Variants in RNF144B observed in about 807,000 individuals in gnomAD.
RNF144B encodes the protein E3 ubiquitin-protein ligase RNF144B.
In RNF144B, 25 loss-of-function variants were observed where a neutral mutation model predicts 40.2. The observed-to-expected ratio is 0.62, with a 90% CI of 0.45 to 0.87. The LOEUF (loss-of-function observed/expected upper bound fraction) is 0.87, where lower values mean the gene tolerates loss of function less well. Ranked by LOEUF, RNF144B falls within the 40% of genes least tolerant of loss-of-function variation. The probability of loss-of-function intolerance (pLI) is 0.00; values close to 1 mark genes in which losing one functional copy is unlikely to be tolerated. For synonymous variants in RNF144B, 145 were observed against 136.3 expected, an observed-to-expected ratio of 1.06 and a Z score of -0.44; for missense variants, 365 against 373.7, an observed-to-expected ratio of 0.98 and a Z score of 0.19.
rs1299499233 is a variant in RNF144B, at chr6:18,398,363, TTCTTCTG to T, written c.-36-1131_-36-1125del. On this transcript the variant is annotated intron_variant, in intron 1 of 7. Transcript: ENST00000259939. This position sits in a 1 kb window ranked among gnomAD's most constrained non-coding sequence, Gnocchi z 5.0. ...GTATATATAGACCACATTTTGTTTGTTCTTCTGTCTTTTTAATTTTTTATTTTTTGAG... is the reference window on the plus strand; with the variant it reads ...GTATATATAGACCACATTTTGTTTGTTCTTTTTAATTTTTTATTTTTTGAG... Among the ~76,000 whole-genome samples the T allele has an allele frequency of 1.3e-5, 2 of 152,090 alleles. No individual in the cohort carries two copies. The highest frequency in any genetic ancestry group is 4.8e-5 in the African/African-American group (2 of 41,426).
At chr6:18,392,236 G>C (rs1403502707) in intron 1 of RNF144B, among the ~76,000 whole-genome samples, 1 of 151,886 alleles carries the variant, frequency 6.6e-6, no homozygotes, top group Non-Finnish European at 1.5e-5. Context: ...CAGATGTTCT[G>C]TCCTCTGTAG....
At chr6:18,390,700 C>T (rs1377952481) in intron 1 of RNF144B, among the ~76,000 whole-genome samples, 1 of 152,348 alleles carries the variant, frequency 6.6e-6, no homozygotes, top group East Asian at 1.9e-4. Flanking sequence ...TAAAACAAGA[C>T]AACTCGTTTC....
intron 4 of RNF144B, among the ~76,000 whole-genome samples, chr6:18,451,461 G>A (rs1046363007): frequency 1.5e-4 from 23 of 152,192 alleles, no homozygotes; most frequent in African/African-American, 4.3e-4. Context: ...CTAGAAGTAA[G>A]ACCTGGATAC....
At chr6:18,431,422 C>T (rs900075451) in intron 3 of RNF144B, among the ~76,000 whole-genome samples, 2 of 152,124 alleles carry the variant, frequency 1.3e-5, no homozygotes, top group Non-Finnish European at 2.9e-5. Flanking sequence ...AAATACCACA[C>T]ACATGAATTG....
At chr6:18,420,082 C>G (rs1049261804) in intron 2 of RNF144B, among the ~76,000 whole-genome samples, 3 of 151,668 alleles carry the variant, frequency 2.0e-5, no homozygotes, top group Admixed American at 6.6e-5. Flanking sequence ...AGCTTGGCCA[C>G]AAAGTTGAGC....
Position 18,441,126 on chromosome 6 carries a change from G to T in RNF144B, c.331+1382G>T, listed in dbSNP as rs906342390. 6.6e-6 allele frequency among the ~76,000 whole-genome samples: 1 copy of T among 152,028 alleles called. No individual in the cohort carries two copies. Among genetic ancestry groups the T allele is most frequent in the Non-Finnish European group, 1.5e-5 (1 of 68,006 alleles). ...TCTCTCTAATCCATCCACATGGGCC[G>T]ATTAGATTGAGCATTATAACACCAG... On this transcript the variant is annotated intron_variant, in intron 4 of 7. Transcript: ENST00000259939. This position sits in a 1 kb window ranked among gnomAD's most constrained non-coding sequence, Gnocchi z 4.9.
Position 18,448,114 on chromosome 6 carries a change from G to C in RNF144B, c.331+8370G>C, listed in dbSNP as rs1239844177. 6.6e-6 allele frequency among the ~76,000 whole-genome samples: 1 copy of C among 152,098 alleles called. No homozygotes were observed. Among genetic ancestry groups the C allele is most frequent in the East Asian group, 1.9e-4 (1 of 5,198 alleles). ...CTATGAGAAGAAAAATGGGTGCAGT[G>C]AATATATTAACTCTTTCAAGGAGTG... On this transcript the variant is annotated intron_variant, in intron 4 of 7. Coordinates refer to ENST00000259939, the MANE Select transcript of RNF144B (RefSeq NM_182757.4). This position sits in a 1 kb window ranked among gnomAD's most constrained non-coding sequence, Gnocchi z 4.0.
rs1582454831 is a variant in RNF144B at position 18,466,864 on chromosome 6, T to C, written c.*1797T>C. 1 of 152,802 alleles carries C rather than the reference T, an allele frequency of 6.5e-6. No individual in the cohort carries two copies. Among genetic ancestry groups the C allele is most frequent in the East Asian group, 1.9e-4 (1 of 5,192 alleles). The allele number at this position is 152,802 out of a possible 1,614,324, so 9.5% of individuals were successfully genotyped here. A position where few individuals can be genotyped will look rare whatever the true frequency, so the allele number is the denominator to read the frequency against. ...GTACATCTGTTGGTTATGTACATTTTAATTTACATGTTGTGTAGAACATAG... is the reference window on the plus strand; with the variant it reads ...GTACATCTGTTGGTTATGTACATTTCAATTTACATGTTGTGTAGAACATAG... On this transcript the variant is annotated 3_prime_UTR_variant, in exon 8 of 8. Transcript: ENST00000259939.
chr6:18,415,800 C>T (rs1795138509), intron 2 of RNF144B, among the ~76,000 whole-genome samples: 1 of 151,168 alleles, frequency 6.6e-6, no homozygotes, highest in South Asian at 2.1e-4. Flanking sequence ...AGCCGTACCT[C>T]ATGGTTGAAG....
At chr6:18,420,904 T>G (rs1166184194) in intron 2 of RNF144B, among the ~76,000 whole-genome samples, 1 of 152,122 alleles carries the variant, frequency 6.6e-6, no homozygotes, top group Non-Finnish European at 1.5e-5. Context: ...TAGGCATATA[T>G]CTCTTAAAGA....
intron 2 of RNF144B, among the ~76,000 whole-genome samples, chr6:18,426,131 A>G (rs1012559467): frequency 1.6e-4 from 24 of 152,252 alleles, no homozygotes; most frequent in Non-Finnish European, 5.9e-5. Context: ...TTCTGACCCT[A>G]GAATTTTACT....
At chr6:18,413,639 T>A (rs548866177) in intron 2 of RNF144B, among the ~76,000 whole-genome samples, 7 of 152,374 alleles carry the variant, frequency 4.6e-5, no homozygotes, top group South Asian at 2.1e-4. Context: ...GCATTCTGCC[T>A]CAATGACTGA....
intron 3 of RNF144B, among the ~76,000 whole-genome samples, chr6:18,428,079 C>T (rs35056859): frequency 9.9e-5 from 15 of 152,164 alleles, no homozygotes; most frequent in Non-Finnish European, 1.9e-4. Context: ...GCGGTTCCCC[C>T]ATGCTGTTCT....
At chr6:18,439,648 G>A (rs370841395) in intron 3 of RNF144B, 36 bp from the exon 4 acceptor site, 89 of 1,495,676 alleles carry the variant, frequency 6.0e-5, no homozygotes, top group Non-Finnish European at 8.1e-5. Context: ...GCACTATGAT[G>A]ACTGAAGTCT....
Position 18,418,801 on chromosome 6 carries a change from ACATAT to A in RNF144B, c.166-8774_166-8770del, listed in dbSNP as rs1463302057. ...ACATAATATAAAATATATAATATTTACATATCATATATAATAATGCTATATATATA... is the reference window on the plus strand; with the variant it reads ...ACATAATATAAAATATATAATATTTACATATATAATAATGCTATATATATA... On this transcript the variant is annotated intron_variant, in intron 2 of 7. Coordinates refer to ENST00000259939, the MANE Select transcript of RNF144B (RefSeq NM_182757.4). The surrounding 1 kb of genome is among the most constrained non-coding windows in gnomAD (Gnocchi z 5.2). Among the ~76,000 whole-genome samples, 2 of 151,412 alleles carry A rather than the reference ACATAT, an allele frequency of 1.3e-5. No individual in the cohort carries two copies. The highest frequency in any genetic ancestry group is 2.9e-5 in the Non-Finnish European group (2 of 67,888).
intron 2 of RNF144B, among the ~76,000 whole-genome samples, chr6:18,417,888 AAC>A (rs1795175705): frequency 6.6e-6 from 1 of 152,194 alleles, no homozygotes; most frequent in South Asian, 2.1e-4. Context: ...CAGTAATGAA[AAC>A]ACAAATAACT....
chr6:18,432,444 T>C (rs569203417), intron 3 of RNF144B, among the ~76,000 whole-genome samples: 193 of 152,362 alleles, frequency 1.3e-3, no homozygotes, highest in Non-Finnish European at 2.3e-3. Context: ...TCTGGTACTT[T>C]TAGCTTTTGC....
intron 2 of RNF144B, among the ~76,000 whole-genome samples, chr6:18,415,883 T>G (rs938184378): frequency 6.6e-6 from 1 of 151,898 alleles, no homozygotes; most frequent in Non-Finnish European, 1.5e-5. Flanking sequence ...AGTGCACTTT[T>G]AGAGATTCAG....
Position 18,446,307 on chromosome 6 carries a change from G to T in RNF144B, c.331+6563G>T, listed in dbSNP as rs1002658787. ...AACCCAGCTCTTTTACCTTCCATTG[G>T]CTTTTCCTTGTATCTGCTCTTCTAG... On this transcript the variant is annotated intron_variant, in intron 4 of 7. Coordinates refer to ENST00000259939, the MANE Select transcript of RNF144B (RefSeq NM_182757.4). The surrounding 1 kb of genome is among the most constrained non-coding windows in gnomAD (Gnocchi z 4.7). 2.6e-5 allele frequency among the ~76,000 whole-genome samples: 4 copies of T among 152,132 alleles called. No homozygotes were observed.
Sources: allele counts gnomAD v4.1 joint callset (sites outside exome capture counted in the v4.1 genomes callset), GRCh38; gene constraint gnomAD v4.1.1; non-coding constraint Gnocchi (gnomAD v3.1); transcripts MANE v1.5; gene names NCBI Gene and HGNC (gene_info 2026-07-23, HGNC 2026-07-21).